IFT56: variants seen among roughly 807,000 people sequenced by gnomAD.
The protein encoded by IFT56 is intraflagellar transport protein 56.
the IFT56 span, chr7:139,168,376 C>A: frequency 6.2e-7 from 1 of 1,610,440 alleles, no homozygotes; most frequent in Non-Finnish European, 8.5e-7. Context: ...TCAATGCAGC[C>A]CTTGGCCAGG....
chr7:139,141,559 T>G, the IFT56 span, among the ~76,000 whole-genome samples: 1 of 152,240 alleles, frequency 6.6e-6, no homozygotes, highest in Non-Finnish European at 1.5e-5. Context: ...CTAAGAACAG[T>G]GTTAGACACA....
At chr7:139,152,278 C>T in the IFT56 span, among the ~76,000 whole-genome samples, 1 of 152,110 alleles carries the variant, frequency 6.6e-6, no homozygotes, top group Non-Finnish European at 1.5e-5. Flanking sequence ...AGACATGCGC[C>T]ACTGTGCCTG....
chr7:139,172,351 A>C, the IFT56 span, among the ~76,000 whole-genome samples: 1 of 152,224 alleles, frequency 6.6e-6, no homozygotes, highest in Non-Finnish European at 1.5e-5. Flanking sequence ...CTAACAGAAT[A>C]ACTACAGTAT....
chr7:139,188,709 TC>T, the IFT56 span, among the ~76,000 whole-genome samples: 1 of 152,236 alleles, frequency 6.6e-6, no homozygotes, highest in South Asian at 2.1e-4. Flanking sequence ...ATTTTAGCAT[TC>T]ATTACTTAAA....
At chr7:139,165,043 C>G in the IFT56 span, 1 of 975,202 alleles carries the variant, frequency 1.0e-6, no homozygotes, top group Non-Finnish European at 1.5e-6. Flanking sequence ...ATATCATGAA[C>G]CCAGTTATAT....
At chr7:139,166,810 G>A in the IFT56 span, 1 of 1,363,370 alleles carries the variant, frequency 7.3e-7, no homozygotes, top group Non-Finnish European at 1.0e-6. Context: ...CTGGAATACA[G>A]ACTAGTATAA....
At chr7:139,182,270 C>T in the IFT56 span, among the ~76,000 whole-genome samples, 4 of 151,876 alleles carry the variant, frequency 2.6e-5, no homozygotes, top group South Asian at 2.1e-4. Flanking sequence ...AAGAGAAACT[C>T]GTATTAAATT....
chr7:139,147,099 C>T, the IFT56 span: 1 of 1,606,748 alleles, frequency 6.2e-7, no homozygotes, highest in Non-Finnish European at 8.5e-7. Flanking sequence ...TCTCTAACAA[C>T]ACTAATATGA....
the IFT56 span, among the ~76,000 whole-genome samples, chr7:139,175,893 G>A: frequency 2.0e-5 from 3 of 152,122 alleles, no homozygotes. Context: ...GCGGTGGCAT[G>A]ATTTCGGCTC....
At chr7:139,160,801 G>A in the IFT56 span, 7 of 531,834 alleles carry the variant, frequency 1.3e-5, no homozygotes, top group African/African-American at 1.2e-4. Flanking sequence ...GAAAATGTGG[G>A]TAATAATAAT....
chr7:139,186,860 T>A, the IFT56 span, among the ~76,000 whole-genome samples: 1 of 150,350 alleles, frequency 6.7e-6, no homozygotes, highest in African/African-American at 2.5e-5. Context: ...TTTGGGAGGC[T>A]GAGACGGGTG....
the IFT56 span, among the ~76,000 whole-genome samples, chr7:139,157,656 A>T: frequency 6.6e-6 from 1 of 151,794 alleles, no homozygotes; most frequent in Non-Finnish European, 1.5e-5. Flanking sequence ...GGTGTATGCC[A>T]CTGTGTCCAA....
At chr7:139,166,071 C>T in the IFT56 span, among the ~76,000 whole-genome samples, 2 of 152,164 alleles carry the variant, frequency 1.3e-5, no homozygotes, top group Admixed American at 6.6e-5. Flanking sequence ...AATTCTCCTG[C>T]CTCAGCCTCC....
chr7:139,168,572 AAAAAAAAAAC>A, the IFT56 span: 1 of 584,770 alleles, frequency 1.7e-6, no homozygotes, highest in Non-Finnish European at 3.1e-6. Context: ...TTAGAGACAA[AAAAAAAAAAC>A]AAAAAAAAAA....
chr7:139,148,246 T>C, the IFT56 span: 8 of 1,613,630 alleles, frequency 5.0e-6, no homozygotes, highest in African/African-American at 1.1e-4. Context: ...CCTCTGCTAC[T>C]ACAAGTTGGA....
At chr7:139,162,864 C>T in the IFT56 span, among the ~76,000 whole-genome samples, 1 of 151,212 alleles carries the variant, frequency 6.6e-6, no homozygotes, top group Non-Finnish European at 1.5e-5. Flanking sequence ...GAGGCCAGGG[C>T]AGGAGAATTG....
At chr7:139,161,083 C>T in the IFT56 span, 2 of 1,430,980 alleles carry the variant, frequency 1.4e-6, no homozygotes, top group Admixed American at 3.8e-5. Context: ...TACATCACAG[C>T]AATTAGAAAG....
the IFT56 span, among the ~76,000 whole-genome samples, chr7:139,153,402 G>C: frequency 6.6e-6 from 1 of 151,058 alleles, no homozygotes; most frequent in Non-Finnish European, 1.5e-5. Context: ...AGTGAGCTGA[G>C]ATTGCACCAA....
At chr7:139,146,657 C>T in the IFT56 span, among the ~76,000 whole-genome samples, 1 of 150,664 alleles carries the variant, frequency 6.6e-6, no homozygotes, top group African/African-American at 2.4e-5. Flanking sequence ...ATCCCAGGAA[C>T]TTGGGAGGCT....
Sources: gnomAD v4.1 joint callset for allele counts (sites outside exome capture counted in the v4.1 genomes callset) on GRCh38, gnomAD v4.1.1 for gene constraint, MANE v1.5 for transcripts, NCBI Gene and HGNC (gene_info 2026-07-23, HGNC 2026-07-21) for gene names.